AEN: variants seen among roughly 807,000 people sequenced by gnomAD.
AEN encodes the protein apoptosis-enhancing nuclease.
A neutral mutation model predicts 17.7 loss-of-function variants in AEN; 21 were observed. The observed-to-expected ratio is 1.19, with a 90% CI of 0.84 to 1.71. The LOEUF is 1.71. Among genes scored for constraint, AEN ranks in the 40% most tolerant of loss-of-function variants. The pLI, the probability that AEN is intolerant of heterozygous loss-of-function variation, is 0.00. For synonymous variants in AEN, 190 were observed against 173.0 expected (o/e 1.10, Z -0.77); for missense variants, 462 against 435.9 (o/e 1.06, Z -0.53).
the AEN span, among the ~76,000 whole-genome samples, chr15:88,612,421 G>A: frequency 6.6e-6 from 1 of 152,090 alleles, no homozygotes; most frequent in South Asian, 2.1e-4. Flanking sequence ...GTGGACTTGT[G>A]TGTATGGAAT....
Position 88,630,383 on chromosome 15 carries a change from G to C in AEN, c.*89G>C. On this transcript the variant is annotated 3_prime_UTR_variant, in exon 4 of 4. Transcript: ENST00000332810. This position sits in a 1 kb window ranked among gnomAD's most constrained non-coding sequence, Gnocchi z 5.1. ...GCAGCGGGCACTCCTTCCTGGGCAGGGTGGGGCAGGATGCAGTGAGCCAGC... is the reference window on the plus strand; with the variant it reads ...GCAGCGGGCACTCCTTCCTGGGCAGCGTGGGGCAGGATGCAGTGAGCCAGC... 1 of 1,308,416 alleles carries C rather than the reference G, an allele frequency of 7.6e-7. No homozygotes were observed. Among genetic ancestry groups the C allele is most frequent in the South Asian group, 1.4e-5 (1 of 73,144 alleles). 81.1% of individuals were successfully genotyped at this position (1,308,416 alleles called of 1,614,324 possible).
the AEN span, among the ~76,000 whole-genome samples, chr15:88,614,167 C>T: frequency 1.3e-5 from 2 of 152,270 alleles, no homozygotes; most frequent in South Asian, 4.2e-4. Context: ...CTCTTGGTCA[C>T]TCAGCAAAAT....
upstream of AEN, among the ~76,000 whole-genome samples, chr15:88,620,248 T>G (rs995857828): frequency 2.6e-5 from 4 of 152,122 alleles, no homozygotes; most frequent in Non-Finnish European, 4.4e-5. Context: ...CTCCTTAATT[T>G]AAGTGTCAAT....
chr15:88,611,964 CT>C, the AEN span: 5 of 465,052 alleles, frequency 1.1e-5, no homozygotes, highest in Admixed American at 2.6e-5. Context: ...GGCAGCCCCC[CT>C]TTTTGGCTAT....
chr15:88,620,778 A>T (rs76669347), upstream of AEN, among the ~76,000 whole-genome samples: 1,592 of 152,238 alleles, frequency 0.01, 36 homozygotes, highest in African/African-American at 0.036. Flanking sequence ...CAGGATGCTT[A>T]TGTGTTTATT....
At chr15:88,606,641 A>G in the AEN span, among the ~76,000 whole-genome samples, 46,672 of 152,078 alleles carry the variant, frequency 0.31, 7,372 homozygotes, top group Non-Finnish European at 0.34. Flanking sequence ...ACTGATAATC[A>G]GTGAGCACCT....
the AEN span, chr15:88,611,910 C>G: frequency 3.9e-6 from 2 of 514,190 alleles, no homozygotes; most frequent in South Asian, 1.5e-5. Context: ...AAATCCCAGT[C>G]TACCTAATGG....
chr15:88,630,021 G>A lies in AEN; in HGVS notation c.742-37G>A. ...TCTTGGGGTAACAGGCCTCTCACTA[G>A]GCCTGCAGGCAGTGATGTGTTGGCT... On this transcript the variant is annotated intron_variant, in intron 3 of 3. Coordinates refer to ENST00000332810, the MANE Select transcript of AEN (RefSeq NM_022767.4). This position sits in a 1 kb window ranked among gnomAD's most constrained non-coding sequence, Gnocchi z 5.1. 3 of 1,606,250 alleles carry A rather than the reference G, an allele frequency of 1.9e-6. No individual in the cohort carries two copies. The highest frequency in any genetic ancestry group is 2.6e-6 in the Non-Finnish European group (3 of 1,173,446).
At chr15:88,611,890 G>T in the AEN span, 2 of 517,932 alleles carry the variant, frequency 3.9e-6, no homozygotes, top group Non-Finnish European at 7.9e-6. Flanking sequence ...GTCTTACTGC[G>T]CTCAACAACA....
At chr15:88,611,908 G>A in the AEN span, 1 of 515,190 alleles carries the variant, frequency 1.9e-6, no homozygotes, top group Non-Finnish European at 4.0e-6. Context: ...ACAAATCCCA[G>A]TCTACCTAAT....
intron 1 of AEN, among the ~76,000 whole-genome samples, chr15:88,624,260 G>C (rs73451727): frequency 0.025 from 3,748 of 152,250 alleles, 147 homozygotes; most frequent in African/African-American, 0.082. Context: ...GTGGGACAGA[G>C]TTTCTTCCAG....
rs777613722 is a variant in AEN at position 88,626,395 on chromosome 15, C to T, written c.186C>T (p.Ser62=). 12 of 1,612,444 alleles carry T rather than the reference C, an allele frequency of 7.4e-6. No homozygotes were observed. Among genetic ancestry groups the T allele is most frequent in the Middle Eastern group, 1.6e-4 (1 of 6,062 alleles). The change falls in exon 2 of 4, where the codon TCC becomes TCT. Residue 62 remains serine (S), a synonymous_variant. Transcript: ENST00000332810. The part of the protein sequence containing the change: ...LLSMPPEPGS[S]PLPTPFGAAT... Reference sequence around the variant, plus strand: ...GCATGCCTCCAGAACCAGGGTCCTCCCCACTGCCCACCCCTTTCGGGGCAG... The same window carrying T: ...GCATGCCTCCAGAACCAGGGTCCTCTCCACTGCCCACCCCTTTCGGGGCAG...
the AEN span, chr15:88,611,809 G>T: frequency 2.0e-5 from 10 of 490,630 alleles, no homozygotes; most frequent in Admixed American, 2.1e-4. Context: ...GTCCTCGAAC[G>T]CCTTGCAGAA....
intron 1 of AEN, among the ~76,000 whole-genome samples, chr15:88,624,168 G>C (rs979176822): frequency 6.6e-6 from 1 of 152,204 alleles, no homozygotes; most frequent in Non-Finnish European, 1.5e-5. Context: ...TTGGAGTCCA[G>C]GATCCACCTG....
At chr15:88,614,487 A>G in the AEN span, among the ~76,000 whole-genome samples, 1 of 152,204 alleles carries the variant, frequency 6.6e-6, no homozygotes, top group East Asian at 1.9e-4. Context: ...AGCGTAAGTC[A>G]CAGCGCCTGG....
chr15:88,630,524 T>TTA lies in AEN; in HGVS notation c.*230_*231insTA. The TTA allele has an allele frequency of 1.8e-6, 1 of 549,140 alleles. No homozygotes were observed. Among genetic ancestry groups the TTA allele is most frequent in the East Asian group, 3.1e-5 (1 of 32,452 alleles). 34.0% of individuals were successfully genotyped at this position (549,140 alleles called of 1,614,324 possible). On this transcript the variant is annotated 3_prime_UTR_variant, in exon 4 of 4. Transcript: ENST00000332810. The surrounding 1 kb of genome is among the most constrained non-coding windows in gnomAD (Gnocchi z 5.1). ...CTTCTGACTCCTGTGGTTTTGCTAATGGCACTTTACAGACTCCATGGAGAT... is the reference window on the plus strand; with the variant it reads ...CTTCTGACTCCTGTGGTTTTGCTAATTAGGCACTTTACAGACTCCATGGAGAT...
At chr15:88,617,918 C>T (rs12591486), upstream of AEN, among the ~76,000 whole-genome samples, 1 of 152,290 alleles carries the variant, frequency 6.6e-6, no homozygotes, top group Admixed American at 6.5e-5. Context: ...CACCCTCAGC[C>T]TAAACCAGCA....
At chr15:88,612,630 T>C in the AEN span, among the ~76,000 whole-genome samples, 2 of 150,870 alleles carry the variant, frequency 1.3e-5, no homozygotes, top group Non-Finnish European at 1.5e-5. Flanking sequence ...TGAGACAGAG[T>C]CTCACTCTGT....
rs2057915497 is a variant in AEN, at chr15:88,630,511, G to C, written c.*217G>C. On this transcript the variant is annotated 3_prime_UTR_variant, in exon 4 of 4. Transcript: ENST00000332810. The surrounding 1 kb of genome is among the most constrained non-coding windows in gnomAD (Gnocchi z 5.1). The stretch of plus-strand genomic sequence containing the variant: ...CTGTTGGTTCTTTCTTCTGACTCCT[G>C]TGGTTTTGCTAATGGCACTTTACAG... 3.5e-6 allele frequency: 2 copies of C among 566,358 alleles called. No homozygotes were observed. The highest frequency in any genetic ancestry group is 6.2e-5 in the Admixed American group (2 of 32,434). 35.1% of individuals were successfully genotyped at this position (566,358 alleles called of 1,614,324 possible).
Sources: allele counts gnomAD v4.1 joint callset (sites outside exome capture counted in the v4.1 genomes callset), GRCh38; gene constraint gnomAD v4.1.1; non-coding constraint Gnocchi (gnomAD v3.1); transcripts MANE v1.5; gene names NCBI Gene and HGNC (gene_info 2026-07-23, HGNC 2026-07-21).